The following RBMS3 variants were observed in gnomAD, a reference collection of about 807,000 sequenced individuals.
RBMS3 encodes RNA-binding motif, single-stranded-interacting protein 3.
Under a neutral mutation model 66.8 loss-of-function variants are expected in RBMS3, and 27 were observed. The ratio of observed to expected loss-of-function variants is 0.40; its 90% confidence interval spans 0.30 to 0.56. The LOEUF (loss-of-function observed/expected upper bound fraction) is 0.56, where lower values mean the gene tolerates loss of function less well. RBMS3 is among the 20% of genes least tolerant of loss of function. The pLI, the probability that RBMS3 is intolerant of heterozygous loss-of-function variation, is 0.40. For missense variants in RBMS3, 513 were observed against 549.5 expected, an observed-to-expected ratio of 0.93 and a Z score of 0.66; for synonymous variants, 188 against 183.0, an observed-to-expected ratio of 1.03 and a Z score of -0.22.
At chr3:29,296,210 T>C (rs2125436288) in intron 1 of RBMS3, among the ~76,000 whole-genome samples, 1 of 151,948 alleles carries the variant, frequency 6.6e-6, no homozygotes, top group African/African-American at 2.4e-5. Context: ...TGCCACCTTA[T>C]ATACAAAGTA....
chr3:29,941,138 C>T (rs2061384183), intron 11 of RBMS3, among the ~76,000 whole-genome samples: 1 of 151,828 alleles, frequency 6.6e-6, no homozygotes, highest in Admixed American at 6.6e-5. Flanking sequence ...TTCTCCAAGC[C>T]ACTGATGATT....
intron 6 of RBMS3, among the ~76,000 whole-genome samples, chr3:29,789,754 C>T (rs1461775532): frequency 6.8e-6 from 1 of 147,698 alleles, no homozygotes; most frequent in East Asian, 2.1e-4. Flanking sequence ...ATTTTACCTG[C>T]CCCCTGCATA....
intron 5 of RBMS3, among the ~76,000 whole-genome samples, chr3:29,740,230 GC>G (rs1453967703): frequency 1.3e-5 from 2 of 152,088 alleles, no homozygotes; most frequent in African/African-American, 2.4e-5. Context: ...AAGCAAAAGA[GC>G]CCATGTGGTG....
At chr3:29,502,710 A>G in intron 3 of RBMS3, among the ~76,000 whole-genome samples, 1 of 152,100 alleles carries the variant, frequency 6.6e-6, no homozygotes. Flanking sequence ...TGCTAACTTC[A>G]ATTTTGCACT....
intron 3 of RBMS3, among the ~76,000 whole-genome samples, chr3:29,546,278 A>T (rs2045945749): frequency 6.6e-6 from 1 of 152,150 alleles, no homozygotes; most frequent in African/African-American, 2.4e-5. Context: ...ATTTTATGGA[A>T]CAGAATGAGG....
Position 29,490,357 on chromosome 3 carries a change from G to C in RBMS3, c.307+1858G>C, listed in dbSNP as rs73828674. ...AAAATCAGCTTAACTATTACTATTA[G>C]GGTAATAGGAAGGGGTTCACCATGA... On this transcript the variant is annotated intron_variant, in intron 3 of 14. Transcript: ENST00000383767. Among the ~76,000 whole-genome samples, 1,445 of 152,164 alleles carry C rather than the reference G, an allele frequency of 9.5e-3. 21 individuals are homozygous for C. Among genetic ancestry groups the C allele is most frequent in the African/African-American group, 0.03 (1,226 of 41,522 alleles).
chr3:29,653,400 T>A (rs2050209821), intron 4 of RBMS3, among the ~76,000 whole-genome samples: 1 of 152,174 alleles, frequency 6.6e-6, no homozygotes, highest in African/African-American at 2.4e-5. Context: ...TTGTCGTCAT[T>A]ATCACTGAAG....
intron 12 of RBMS3, among the ~76,000 whole-genome samples, chr3:29,962,019 A>G (rs1300340692): frequency 6.9e-6 from 1 of 145,552 alleles, no homozygotes; most frequent in Admixed American, 7.0e-5. Flanking sequence ...ATATTTTTAT[A>G]TATATTTTGT....
chr3:29,408,377 A>G (rs1252946694), intron 1 of RBMS3, among the ~76,000 whole-genome samples: 1 of 151,896 alleles, frequency 6.6e-6, no homozygotes, highest in Non-Finnish European at 1.5e-5. Flanking sequence ...GTTTTTGATT[A>G]AGCACTTAAT....
chr3:29,587,284 G>C (rs919669057), intron 4 of RBMS3, 79 bp downstream of exon 4: 66 of 746,120 alleles, frequency 8.8e-5, no homozygotes, highest in Non-Finnish European at 1.2e-4. Flanking sequence ...GTGTGAAAGA[G>C]AGAGAGAGAG....
intron 4 of RBMS3, among the ~76,000 whole-genome samples, chr3:29,594,895 A>G (rs1376245187): frequency 6.6e-6 from 1 of 152,218 alleles, no homozygotes; most frequent in Admixed American, 6.6e-5. Flanking sequence ...GCCTGTGGGT[A>G]CTACCCTCTG....
At chr3:29,821,872 A>C (rs943989654) in intron 6 of RBMS3, among the ~76,000 whole-genome samples, 1 of 150,596 alleles carries the variant, frequency 6.6e-6, no homozygotes, top group Non-Finnish European at 1.5e-5. Flanking sequence ...TTCTGATGGA[A>C]AGTGTATCCA....
chr3:29,421,387 A>G (rs547639610), intron 1 of RBMS3, among the ~76,000 whole-genome samples: 1 of 152,162 alleles, frequency 6.6e-6, no homozygotes, highest in African/African-American at 2.4e-5. Context: ...TTTACCCACA[A>G]AATGTTCTTG....
chr3:29,885,868 A>C (rs2059857458), intron 8 of RBMS3, among the ~76,000 whole-genome samples: 1 of 151,872 alleles, frequency 6.6e-6, no homozygotes, highest in Admixed American at 6.6e-5. Context: ...TTGTTGCCCA[A>C]GGCTCTATGC....
intron 4 of RBMS3, among the ~76,000 whole-genome samples, chr3:29,666,074 G>A (rs2050741651): frequency 6.6e-6 from 1 of 151,978 alleles, no homozygotes; most frequent in African/African-American, 2.4e-5. Flanking sequence ...TGTCATATAA[G>A]AGCCCGTGTG....
chr3:29,660,798 G>C (rs1316953139), intron 4 of RBMS3, among the ~76,000 whole-genome samples: 1 of 152,106 alleles, frequency 6.6e-6, no homozygotes, highest in Non-Finnish European at 1.5e-5. Context: ...AAATTTCCTA[G>C]TCTTTATTGT....
At chr3:29,473,758 C>T (rs1278464968) in intron 2 of RBMS3, among the ~76,000 whole-genome samples, 1 of 152,230 alleles carries the variant, frequency 6.6e-6, no homozygotes, top group Non-Finnish European at 1.5e-5. Flanking sequence ...CTAAGCCGCT[C>T]ATTGCCCGGG....
intron 3 of RBMS3, among the ~76,000 whole-genome samples, chr3:29,494,394 C>T (rs1407080670): frequency 6.6e-6 from 1 of 152,144 alleles, no homozygotes; most frequent in Non-Finnish European, 1.5e-5. Flanking sequence ...ATTATTCTTT[C>T]TTGGGTGGTG....
chr3:29,964,475 C>T (rs1282790425), intron 12 of RBMS3, among the ~76,000 whole-genome samples: 3 of 152,060 alleles, frequency 2.0e-5, no homozygotes, highest in Non-Finnish European at 4.4e-5. Context: ...TCCAATATCC[C>T]ATTTCTATTA....
Sources: gnomAD v4.1 joint callset for allele counts (sites outside exome capture counted in the v4.1 genomes callset) on GRCh38, gnomAD v4.1.1 for gene constraint, MANE v1.5 for transcripts, NCBI Gene and HGNC (gene_info 2026-07-23, HGNC 2026-07-21) for gene names.